Variants in HERC1 observed in about 807,000 individuals in gnomAD.
HERC1 encodes the protein HECT and RLD domain containing E3 ubiquitin protein ligase family member 1.
Under a neutral mutation model 554.3 loss-of-function variants are expected in HERC1, and 160 were observed. That is an observed-to-expected ratio of 0.29 (90% confidence interval 0.25 to 0.33). HERC1 has a LOEUF of 0.33. Ranked by LOEUF, HERC1 falls within the 10% of genes least tolerant of loss-of-function variation. The pLI is 1.00. For synonymous variants in HERC1, 2,175 were observed against 2,131.7 expected, an observed-to-expected ratio of 1.02 and a Z score of -0.56; for missense variants, 4,919 against 5,918.5, an observed-to-expected ratio of 0.83 and a Z score of 5.54.
intron 22 of HERC1, 131 bp downstream of exon 22, chr15:63,716,171 G>C (rs2073545395): frequency 1.3e-6 from 1 of 764,246 alleles, no homozygotes; most frequent in East Asian, 2.5e-5. Context: ...AATACAAATT[G>C]AGATCACCAG....
intron 38 of HERC1, among the ~76,000 whole-genome samples, chr15:63,674,071 T>G (rs899768272): frequency 1.3e-5 from 2 of 152,176 alleles, no homozygotes; most frequent in African/African-American, 2.4e-5. Context: ...TTTTTTGGTA[T>G]AAGTTAAATT....
chr15:63,713,738 A>T (rs1295561524), intron 22 of HERC1, 73 bp from the exon 23 acceptor site: 5 of 1,386,170 alleles, frequency 3.6e-6, no homozygotes, highest in Non-Finnish European at 4.8e-6. Context: ...CAATAAAAAT[A>T]GTCAAAAAGT....
intron 55 of HERC1, among the ~76,000 whole-genome samples, chr15:63,647,084 G>A (rs898047679): frequency 6.6e-6 from 1 of 151,670 alleles, no homozygotes; most frequent in Admixed American, 6.6e-5. Context: ...GTGAAACCCT[G>A]TCTCTACTAA....
At chr15:63,628,928 T>C (rs900575865) in intron 69 of HERC1, 113 bp from the exon 70 acceptor site, 20 of 942,152 alleles carry the variant, frequency 2.1e-5, no homozygotes, top group Non-Finnish European at 2.9e-5. Context: ...AACTGTACCA[T>C]GCATCAGCAT....
chr15:63,640,368 A>T lies in HERC1; in HGVS notation c.11685T>A (p.His3895Gln), dbSNP rs376033397. 5 of 1,613,780 alleles carry T rather than the reference A, an allele frequency of 3.1e-6. No individual in the cohort carries two copies. The highest frequency in any genetic ancestry group is 4.2e-6 in the Non-Finnish European group (5 of 1,179,806). Residue 3895 changes from histidine to glutamine, a missense_variant, in exon 61 of 78, where the codon CAT (histidine) becomes CAA (glutamine). Coordinates refer to ENST00000443617, the MANE Select transcript of HERC1 (RefSeq NM_003922.4). Reference protein sequence around the residue: ...QCLASLAVGLHLDQLLCNPPV... With the variant: ...QCLASLAVGLQLDQLLCNPPV... ...GAGGGTTACACAACAGCTGATCCAG[A>T]TGAAGTCCCACAGCAAGGGAAGCCA... is the stretch of plus-strand genomic sequence containing the variant.
At chr15:63,764,605 T>C (rs1240571235) in intron 2 of HERC1, among the ~76,000 whole-genome samples, 1 of 152,162 alleles carries the variant, frequency 6.6e-6, no homozygotes, top group Non-Finnish European at 1.5e-5. Flanking sequence ...CCAGCTTTAG[T>C]AATGACGTGA....
intron 12 of HERC1, among the ~76,000 whole-genome samples, chr15:63,739,194 A>ATATATTTTT (rs1567071803): frequency 3.4e-4 from 17 of 50,634 alleles, no homozygotes; most frequent in African/African-American, 1.1e-3. Context: ...CCACTAATAT[A>ATATATTTTT]CTTTTTTTTT....
intron 74 of HERC1, among the ~76,000 whole-genome samples, chr15:63,620,471 T>C (rs1235045819): frequency 2.6e-5 from 4 of 152,200 alleles, no homozygotes; most frequent in Non-Finnish European, 4.4e-5. Context: ...GTATATTCTG[T>C]TGATTTGGGG....
rs529476610 is a variant in HERC1 at position 63,677,839 on chromosome 15, T to C, written c.7070+6A>G. 6.2e-7 allele frequency: 1 copy of C among 1,611,936 alleles called. No individual in the cohort carries two copies. The highest frequency in any genetic ancestry group is 1.1e-5 in the South Asian group (1 of 90,724). On this transcript the variant is annotated splice_donor_region_variant and intron_variant, in intron 37 of 77. Coordinates refer to ENST00000443617, the MANE Select transcript of HERC1 (RefSeq NM_003922.4). This position sits in a 1 kb window ranked among gnomAD's most constrained non-coding sequence, Gnocchi z 4.4. Reference sequence around the variant, plus strand: ...TTTGCTAAAAGTGTAACTCAACAGATCATACCTGATAGTAATTTCTGCTTC... The same window carrying C: ...TTTGCTAAAAGTGTAACTCAACAGACCATACCTGATAGTAATTTCTGCTTC...
Position 63,712,851 on chromosome 15 carries a change from G to T in HERC1, c.4508C>A (p.Pro1503Gln). The change falls in exon 24 of 78, where the codon CCA (proline) becomes CAA (glutamine). Residue 1503 changes from proline (P) to glutamine (Q), a missense_variant. Transcript: ENST00000443617. ...TAESRLVHTS[P>Q]NYRLIKSRSE... ...CCTCGATTTGATCAGTCTATAATTT[G>T]GGCTTGTGTGGACTAGCCGGCTCTC... 1 of 1,613,600 alleles carries T rather than the reference G, an allele frequency of 6.2e-7. No homozygotes were observed. Among genetic ancestry groups the T allele is most frequent in the Non-Finnish European group, 8.5e-7 (1 of 1,179,692 alleles).
chr15:63,663,292 T>C lies in HERC1; in HGVS notation c.8681-88A>G, dbSNP rs1326943906. The C allele has an allele frequency of 7.7e-6, 8 of 1,045,514 alleles. No individual in the cohort carries two copies. In the East Asian group the frequency reaches 1.9e-4, roughly 25 times the overall value. 64.8% of individuals were successfully genotyped at this position (1,045,514 alleles called of 1,614,324 possible). ...AGTTCTTAACTGCCATACATGTAGGTGAGAACCTATCTCAGTTGTCTTATT... is the reference window on the plus strand; with the variant it reads ...AGTTCTTAACTGCCATACATGTAGGCGAGAACCTATCTCAGTTGTCTTATT... On this transcript the variant is annotated intron_variant, in intron 43 of 77. Transcript: ENST00000443617.
chr15:63,633,382 G>A (rs1043942612), intron 67 of HERC1, among the ~76,000 whole-genome samples: 3 of 152,216 alleles, frequency 2.0e-5, no homozygotes, highest in African/African-American at 4.8e-5. Context: ...ATCTTCTATA[G>A]TATGAATAAC....
chr15:63,675,679 A>C (rs886408244), intron 37 of HERC1, among the ~76,000 whole-genome samples: 2 of 152,214 alleles, frequency 1.3e-5, no homozygotes, highest in Non-Finnish European at 2.9e-5. Context: ...TAATGCCTCT[A>C]TAGTTTAAGC....
intron 61 of HERC1, 38 bp downstream of exon 61, chr15:63,640,114 T>C (rs766667498): frequency 6.3e-7 from 1 of 1,593,008 alleles, no homozygotes; most frequent in Non-Finnish European, 8.6e-7. Flanking sequence ...CATGATAAAA[T>C]CTCAGCTGCA....
intron 21 of HERC1, 136 bp from the exon 22 acceptor site, chr15:63,716,609 C>A (rs2073566193): frequency 1.6e-6 from 1 of 631,420 alleles, no homozygotes; most frequent in Non-Finnish European, 2.6e-6. Flanking sequence ...CTACAAAAAC[C>A]CAAAAGATAC....
chr15:63,788,696 C>T (rs1301261443), intron 1 of HERC1, among the ~76,000 whole-genome samples: 3 of 152,034 alleles, frequency 2.0e-5, no homozygotes, highest in Non-Finnish European at 2.9e-5. Flanking sequence ...GCAGGTGGAT[C>T]ACCTGAGGTC....
At chr15:63,733,976 A>C (rs1168823959) in intron 13 of HERC1, among the ~76,000 whole-genome samples, 1 of 152,150 alleles carries the variant, frequency 6.6e-6, no homozygotes, top group Non-Finnish European at 1.5e-5. Flanking sequence ...CAGCCTGGGA[A>C]ATACAGCAAG....
intron 8 of HERC1, among the ~76,000 whole-genome samples, chr15:63,750,383 G>T (rs2075194525): frequency 6.6e-6 from 1 of 152,090 alleles, no homozygotes; most frequent in South Asian, 2.1e-4. Flanking sequence ...AGATGCTTGG[G>T]GAAAGGGTTA....
At chr15:63,649,150 C>A (rs902565390) in intron 54 of HERC1, among the ~76,000 whole-genome samples, 1 of 152,110 alleles carries the variant, frequency 6.6e-6, no homozygotes, top group Non-Finnish European at 1.5e-5. Flanking sequence ...GTGAGGAGAT[C>A]GAGACCATCC....
Sources: allele counts gnomAD v4.1 joint callset (sites outside exome capture counted in the v4.1 genomes callset), GRCh38; gene constraint gnomAD v4.1.1; non-coding constraint Gnocchi (gnomAD v3.1); transcripts MANE v1.5; gene names NCBI Gene and HGNC (gene_info 2026-07-23, HGNC 2026-07-21).